NR2F1-AS1: variants seen among roughly 807,000 people sequenced by gnomAD.
NR2F1-AS1 encodes NR2F1 regulatory antisense RNA 1, also known as NR2F1 antisense RNA 1.
chr5:93,491,715 T>C (rs1207319020), intron 4 of NR2F1-AS1, among the ~76,000 whole-genome samples: 2 of 152,186 alleles, frequency 1.3e-5, no homozygotes, highest in African/African-American at 2.4e-5. Context: ...AGGACATTCA[T>C]CTTCTCCTAC....
chr5:93,560,584 T>G (rs1752465074), intron 2 of NR2F1-AS1, among the ~76,000 whole-genome samples: 1 of 152,334 alleles, frequency 6.6e-6, no homozygotes, highest in African/African-American at 2.4e-5. Context: ...CATATGAATT[T>G]AACTCAAATA....
chr5:93,547,746 A>C (rs1752122230), intron 4 of NR2F1-AS1, among the ~76,000 whole-genome samples: 1 of 152,218 alleles, frequency 6.6e-6, no homozygotes, highest in Non-Finnish European at 1.5e-5. Context: ...ATAAATATTA[A>C]TATACCAGAT....
rs562419412 is a variant in NR2F1-AS1, at chr5:93,515,417, C to A, written n.638+38344G>T. Among the ~76,000 whole-genome samples, 7 of 151,886 alleles carry A rather than the reference C, an allele frequency of 4.6e-5. No homozygotes were observed. The South Asian group carries it at 6.2e-4, about 14-fold the overall frequency. ...CTTCTTTTCATCATTCAAATATGTA[C>A]CATCATTACTTTTTCTATTTCTCTC... On this transcript the variant is annotated intron_variant and non_coding_transcript_variant, in intron 4 of 5. Coordinates refer to ENST00000660523, the Ensembl canonical transcript of NR2F1-AS1.
chr5:93,472,669 A>G (rs1342207382), intron 4 of NR2F1-AS1, among the ~76,000 whole-genome samples: 1 of 151,884 alleles, frequency 6.6e-6, no homozygotes, highest in African/African-American at 2.4e-5. Context: ...TACAAAAAAA[A>G]CAGAAATCAC....
intron 1 of NR2F1-AS1, among the ~76,000 whole-genome samples, chr5:93,563,885 G>A (rs907660204): frequency 9.9e-5 from 15 of 151,792 alleles, no homozygotes; most frequent in African/African-American, 3.4e-4. Context: ...GGCGGATCAC[G>A]AGGTCAGGAG....
chr5:93,446,082 A>C (rs1016388912), intron 4 of NR2F1-AS1, among the ~76,000 whole-genome samples: 2 of 152,286 alleles, frequency 1.3e-5, no homozygotes, highest in East Asian at 3.9e-4. Flanking sequence ...TGACAAACCC[A>C]CAGCCAATAT....
chr5:93,414,882 A>C (rs191330031), intron 4 of NR2F1-AS1, among the ~76,000 whole-genome samples: 2 of 152,318 alleles, frequency 1.3e-5, no homozygotes, highest in Non-Finnish European at 2.9e-5. Context: ...GCAACATGCT[A>C]CTGTGTAAGG....
intron 4 of NR2F1-AS1, among the ~76,000 whole-genome samples, chr5:93,436,904 C>A (rs1749443822): frequency 6.6e-6 from 1 of 151,750 alleles, no homozygotes; most frequent in South Asian, 2.1e-4. Flanking sequence ...ATGATACAAC[C>A]TACAGCCCTA....
At chr5:93,477,483 C>A (rs528128016) in intron 4 of NR2F1-AS1, among the ~76,000 whole-genome samples, 44 of 152,164 alleles carry the variant, frequency 2.9e-4, no homozygotes, top group African/African-American at 9.9e-4. Flanking sequence ...CCATCACAAC[C>A]CCCTTTCTGC....
In NR2F1-AS1 at chr5:93,490,412, G is replaced by A. The variant is rs1018895167; in HGVS notation, n.638+63349C>T. Among the ~76,000 whole-genome samples, 4 of 152,118 alleles carry A rather than the reference G, an allele frequency of 2.6e-5. No homozygotes were observed. In the East Asian group the frequency reaches 7.7e-4, roughly 29 times the overall value. On this transcript the variant is annotated intron_variant and non_coding_transcript_variant, in intron 4 of 5. Transcript: ENST00000660523. Reference sequence around the variant, plus strand: ...AGAAGAAAGGGAGGTGGTAATGACGGTGGTGGTGGTGGTGGTCATGGTGAT... The same window carrying A: ...AGAAGAAAGGGAGGTGGTAATGACGATGGTGGTGGTGGTGGTCATGGTGAT...
chr5:93,410,145 TAG>T (rs954822970), intron 4 of NR2F1-AS1: 3 of 152,112 alleles, frequency 2.0e-5, no homozygotes, highest in Admixed American at 2.0e-4. Flanking sequence ...TTGGAAAAAT[TAG>T]ACAGTCATTT....
In NR2F1-AS1 at chr5:93,514,631, C is replaced by A. The variant is rs536120210; in HGVS notation, n.638+39130G>T. Among the ~76,000 whole-genome samples the A allele has an allele frequency of 2.6e-3, 388 of 152,132 alleles. 1 individual carries two copies. Among genetic ancestry groups the A allele is most frequent in the African/African-American group, 8.4e-3 (347 of 41,542 alleles). On this transcript the variant is annotated intron_variant and non_coding_transcript_variant, in intron 4 of 5. Transcript: ENST00000660523. ...TTATTAACATATCTCTTTTATTTCA[C>A]TTAAGAAAAGCATTTTAGTTGGAGC...
At position 93,440,324 on chromosome 5, in the gene NR2F1-AS1, G is replaced by A. The variant is rs577605832; in HGVS notation, n.639-44782C>T. Among the ~76,000 whole-genome samples, 3 of 152,248 alleles carry A rather than the reference G, an allele frequency of 2.0e-5. No homozygotes were observed. The East Asian group carries it at 5.8e-4, about 29-fold the overall frequency. ...CATTGTTACTGGGTATGTCTCCAAG[G>A]ATATTTCTAGATGAGATTAACTTTT... is the stretch of plus-strand genomic sequence containing the variant. On this transcript the variant is annotated intron_variant and non_coding_transcript_variant, in intron 4 of 5. Coordinates refer to ENST00000660523, the Ensembl canonical transcript of NR2F1-AS1.
intron 4 of NR2F1-AS1, among the ~76,000 whole-genome samples, chr5:93,522,614 CG>C (rs1392455874): frequency 6.6e-6 from 1 of 152,162 alleles, no homozygotes. Flanking sequence ...ACGCAGAAGG[CG>C]GGTGACTTCT....
At chr5:93,550,920 G>T (rs76664678) in intron 4 of NR2F1-AS1, among the ~76,000 whole-genome samples, 4,472 of 151,458 alleles carry the variant, frequency 0.03, 213 homozygotes, top group African/African-American at 0.1. Flanking sequence ...AATCATGAAG[G>T]CTGCCAGAAA....
chr5:93,560,204 A>T (rs1752455720), intron 2 of NR2F1-AS1, among the ~76,000 whole-genome samples: 1 of 152,196 alleles, frequency 6.6e-6, no homozygotes, highest in South Asian at 2.1e-4. Context: ...GGGCTTTACT[A>T]TTTTTATTAA....
At chr5:93,456,681 A>C (rs1749954020) in intron 4 of NR2F1-AS1, among the ~76,000 whole-genome samples, 1 of 151,922 alleles carries the variant, frequency 6.6e-6, no homozygotes, top group Admixed American at 6.6e-5. Context: ...TTAATAGAGA[A>C]AGAAAAGTGG....
At chr5:93,515,540 TCTTCTACTAGA>T (rs1309507568) in intron 4 of NR2F1-AS1, among the ~76,000 whole-genome samples, 1 of 151,996 alleles carries the variant, frequency 6.6e-6, no homozygotes, top group Admixed American at 6.6e-5. Context: ...AACATCTATC[TCTTCTACTAGA>T]CTATAAGCAA....
Position 93,486,408 on chromosome 5 carries a change from T to G in NR2F1-AS1, n.638+67353A>C, listed in dbSNP as rs1177822706. ...TATACACAATAAAAAATGATAAAGGTGATATCACCACTGATCCCACAGAAA... is the reference window on the plus strand; with the variant it reads ...TATACACAATAAAAAATGATAAAGGGGATATCACCACTGATCCCACAGAAA... On this transcript the variant is annotated intron_variant and non_coding_transcript_variant, in intron 4 of 5. Coordinates refer to ENST00000660523, the Ensembl canonical transcript of NR2F1-AS1. Among the ~76,000 whole-genome samples, 8 of 151,252 alleles carry G rather than the reference T, an allele frequency of 5.3e-5. No homozygotes were observed. The East Asian group carries it at 1.6e-3, about 29-fold the overall frequency.
Sources: allele counts gnomAD v4.1 joint callset (sites outside exome capture counted in the v4.1 genomes callset), GRCh38; gene constraint gnomAD v4.1.1; transcripts MANE v1.5; gene names NCBI Gene and HGNC (gene_info 2026-07-23, HGNC 2026-07-21).